Variants in NBDY observed in about 807,000 individuals in gnomAD.
The protein encoded by NBDY is P-body dissociating protein.
intron 2 of NBDY, among the ~76,000 whole-genome samples, chrX:56,756,554 A>C (rs2146720969): frequency 8.9e-6 from 1 of 111,907 alleles, no homozygotes; most frequent in African/African-American, 3.2e-5. Context: ...TGTATAATGT[A>C]CTTAAAAACA....
chrX:56,814,090 C>A (rs1258360677), intron 2 of NBDY, among the ~76,000 whole-genome samples: 2 of 110,477 alleles, frequency 1.8e-5, no homozygotes, highest in African/African-American at 6.6e-5. Context: ...TTAGTACTTT[C>A]AGATTGTAAT....
intron 2 of NBDY, among the ~76,000 whole-genome samples, chrX:56,787,202 A>G (rs1339772344): frequency 9.0e-6 from 1 of 110,816 alleles, no homozygotes; most frequent in African/African-American, 3.3e-5. Flanking sequence ...CAATGCACGC[A>G]CTCACAAGGG....
At chrX:56,762,533 C>A (rs1019991469) in intron 2 of NBDY, among the ~76,000 whole-genome samples, 1 of 111,496 alleles carries the variant, frequency 9.0e-6, no homozygotes, top group Non-Finnish European at 1.9e-5. Context: ...CTCTAAAAAA[C>A]CACCCATGTG....
intron 2 of NBDY, among the ~76,000 whole-genome samples, chrX:56,789,983 C>T (rs772477573): frequency 9.0e-6 from 1 of 111,008 alleles, no homozygotes; most frequent in Admixed American, 9.5e-5. Context: ...AGTGTCTGTG[C>T]CTTTGTTTGA....
intron 2 of NBDY, among the ~76,000 whole-genome samples, chrX:56,811,783 T>A (rs1053602104): frequency 2.7e-5 from 3 of 111,560 alleles, no homozygotes; most frequent in Non-Finnish European, 5.7e-5. Flanking sequence ...CTGGCTGGAC[T>A]TCTGAGTGCC....
chrX:56,802,329 A>G (rs778963590), intron 2 of NBDY, among the ~76,000 whole-genome samples: 9 of 112,402 alleles, frequency 8.0e-5, no homozygotes, highest in Non-Finnish European at 1.5e-4. Context: ...GGGTAGAGGC[A>G]GACAGTCCCC....
intron 2 of NBDY, among the ~76,000 whole-genome samples, chrX:56,761,638 T>A (rs1279694306): frequency 8.8e-6 from 1 of 113,432 alleles, no homozygotes; most frequent in African/African-American, 3.2e-5. Context: ...TTCACTTTTT[T>A]CTTCTTCACT....
intron 2 of NBDY, among the ~76,000 whole-genome samples, chrX:56,748,847 A>G (rs2069569514): frequency 1.0e-5 from 1 of 99,613 alleles, no homozygotes; most frequent in Admixed American, 1.2e-4. Flanking sequence ...GGTAGCTGGC[A>G]TACGAGATGG....
chrX:56,809,011 T>C (rs2069870663), intron 2 of NBDY, among the ~76,000 whole-genome samples: 1 of 112,634 alleles, frequency 8.9e-6, no homozygotes, highest in African/African-American at 3.2e-5. Context: ...TTTATTTCGT[T>C]ATTTACGCAG....
chrX:56,746,200 T>C (rs1010663547), intron 2 of NBDY, among the ~76,000 whole-genome samples: 1 of 110,856 alleles, frequency 9.0e-6, no homozygotes, highest in Admixed American at 9.6e-5. Flanking sequence ...GGAATAAAGT[T>C]TTTTTTTTCA....
At chrX:56,737,446 T>A (rs192770057) in intron 2 of NBDY, 1 of 691,835 alleles carries the variant, frequency 1.4e-6, no homozygotes, top group African/African-American at 2.2e-5. Flanking sequence ...TGGCTTCTTT[T>A]ATGTCTTCAT....
chrX:56,730,822 C>T (rs1436957533), intron 1 of NBDY, among the ~76,000 whole-genome samples: 1 of 111,753 alleles, frequency 8.9e-6, no homozygotes, highest in Admixed American at 9.5e-5. Flanking sequence ...GAAAAGGAAT[C>T]TCTGATATTT....
intron 2 of NBDY, among the ~76,000 whole-genome samples, chrX:56,765,341 G>A (rs1048687958): frequency 5.3e-5 from 6 of 112,159 alleles, no homozygotes; most frequent in African/African-American, 1.9e-4. Flanking sequence ...TCCCTGCCTT[G>A]GCCTTGTAGC....
chrX:56,790,087 G>T (rs2069753047), intron 2 of NBDY, among the ~76,000 whole-genome samples: 1 of 111,519 alleles, frequency 9.0e-6, no homozygotes, highest in African/African-American at 3.3e-5. Flanking sequence ...AAATTATGCT[G>T]CCCCTTTAGG....
At position 56,732,341 on chromosome X, in the gene NBDY, C is replaced by T. The variant is rs1260265427; in HGVS notation, c.*166+142C>T. On this transcript the variant is annotated intron_variant, in intron 2 of 2. Coordinates refer to ENST00000374922, the MANE Select transcript of NBDY (RefSeq NM_001348129.2). ...AACTATATTCTACATTATATGAAAA[C>T]ATATTCATAATAATAGTGTAATCTG... is the stretch of plus-strand genomic sequence containing the variant. The T allele has an allele frequency of 1.1e-5, 3 of 271,373 alleles. No individual in the cohort carries two copies. The South Asian group carries it at 7.5e-4, about 68-fold the overall frequency. 22.4% of individuals were successfully genotyped at this position (271,373 alleles called of 1,213,427 possible). A position where few individuals can be genotyped will look rare whatever the true frequency, so the allele number is the denominator to read the frequency against.
At chrX:56,751,025 T>C (rs918804638) in intron 2 of NBDY, among the ~76,000 whole-genome samples, 1 of 111,621 alleles carries the variant, frequency 9.0e-6, no homozygotes, top group African/African-American at 3.3e-5. Context: ...CTTTCTATGA[T>C]AATGTCTAAA....
chrX:56,792,449 C>T (rs982127975), intron 2 of NBDY, among the ~76,000 whole-genome samples: 2 of 111,278 alleles, frequency 1.8e-5, no homozygotes, highest in Non-Finnish European at 3.8e-5. Flanking sequence ...CCTACTCTCA[C>T]TCACACAGGC....
At chrX:56,767,456 G>C (rs1331405683) in intron 2 of NBDY, among the ~76,000 whole-genome samples, 2 of 113,361 alleles carry the variant, frequency 1.8e-5, no homozygotes, top group Non-Finnish European at 3.7e-5. Context: ...GGCCAAGGTC[G>C]GAGCCGGCTC....
intron 2 of NBDY, among the ~76,000 whole-genome samples, chrX:56,795,342 C>T (rs1360762373): frequency 8.9e-5 from 10 of 111,879 alleles, no homozygotes; most frequent in African/African-American, 2.9e-4. Context: ...ATTATGCCGG[C>T]CCTTTAGGGT....
Sources: gnomAD v4.1 joint callset for allele counts (sites outside exome capture counted in the v4.1 genomes callset) on GRCh38, gnomAD v4.1.1 for gene constraint, MANE v1.5 for transcripts, NCBI Gene and HGNC (gene_info 2026-07-23, HGNC 2026-07-21) for gene names.